The following DMD variants were observed in gnomAD, a reference collection of about 807,000 sequenced individuals.
The protein encoded by DMD is mutant dystrophin.
A neutral mutation model predicts 330.1 loss-of-function variants in DMD; 63 were observed. The observed-to-expected ratio is 0.19, with a 90% CI of 0.16 to 0.24. The LOEUF (loss-of-function observed/expected upper bound fraction) is 0.24, where lower values mean the gene tolerates loss of function less well. Ranked by LOEUF, DMD falls within the 10% of genes least tolerant of loss-of-function variation. The pLI is 1.00. For missense variants in DMD, 3,344 were observed against 2,684.1 expected (o/e 1.25, Z -5.43); for synonymous variants, 1,223 against 959.8 (o/e 1.27, Z -5.07).
chrX:32,952,403 AT>A (rs2091305279), intron 2 of DMD, among the ~76,000 whole-genome samples: 1 of 111,442 alleles, frequency 9.0e-6, no homozygotes, highest in Admixed American at 9.6e-5. Flanking sequence ...AAGTGCTGGG[AT>A]TACAGGCCTG....
rs776729767 is a variant in DMD, at chrX:31,437,449, G to A, written c.9084+7032C>T. Among the ~76,000 whole-genome samples the A allele has an allele frequency of 4.5e-5, 5 of 111,552 alleles. No homozygotes were observed. The South Asian group carries it at 1.9e-3, about 42-fold the overall frequency. On this transcript the variant is annotated intron_variant, in intron 60 of 78. Coordinates refer to ENST00000357033, the MANE Select transcript of DMD (RefSeq NM_004006.3). ...CTCACCCGATACTAAATTTCTGGGG[G>A]CGGATTGGTTTAACAAGCTTTGCAG... is the stretch of plus-strand genomic sequence containing the variant.
chrX:32,491,966 T>G (rs1473594160), intron 19 of DMD, among the ~76,000 whole-genome samples: 7 of 111,654 alleles, frequency 6.3e-5, no homozygotes, highest in Non-Finnish European at 1.1e-4. Flanking sequence ...GAAATTAGTT[T>G]AAATAGTATT....
At chrX:31,169,396 G>A in intron 74 of DMD, 47 bp downstream of exon 74, 1 of 994,908 alleles carries the variant, frequency 1.0e-6, no homozygotes, top group Non-Finnish European at 1.4e-6. Flanking sequence ...ATGTGTGCAA[G>A]TGTATGCACT....
intron 44 of DMD, among the ~76,000 whole-genome samples, chrX:31,972,478 T>C (rs953097219): frequency 9.0e-6 from 1 of 110,595 alleles, no homozygotes; most frequent in Non-Finnish European, 1.9e-5. Flanking sequence ...ATGTGACAAA[T>C]GAAGAAAAGG....
chrX:31,709,823 A>T (rs1334273207), intron 52 of DMD, among the ~76,000 whole-genome samples: 2 of 111,407 alleles, frequency 1.8e-5, no homozygotes, highest in African/African-American at 3.3e-5. Flanking sequence ...CTATGCACTT[A>T]TCTGTATCTA....
At chrX:32,577,289 TG>T (rs1464196970) in intron 13 of DMD, among the ~76,000 whole-genome samples, 1 of 112,121 alleles carries the variant, frequency 8.9e-6, no homozygotes, top group Non-Finnish European at 1.9e-5. Flanking sequence ...GCCAGTACCT[TG>T]GTCTTGAACT....
At chrX:32,967,078 G>A (rs2092188452) in intron 2 of DMD, among the ~76,000 whole-genome samples, 1 of 111,748 alleles carries the variant, frequency 8.9e-6, no homozygotes, top group Middle Eastern at 4.2e-3. Context: ...ACTCCCGTAG[G>A]TACTGAAAGG....
chrX:32,965,350 C>T (rs35463735), intron 2 of DMD, among the ~76,000 whole-genome samples: 40,615 of 108,523 alleles, frequency 0.37, 6,695 homozygotes, highest in African/African-American at 0.64. Context: ...AAAAATTATC[C>T]GGGTGTGGTG....
At chrX:32,775,969 C>A (rs989985295) in intron 7 of DMD, among the ~76,000 whole-genome samples, 6 of 111,812 alleles carry the variant, frequency 5.4e-5, no homozygotes, top group Non-Finnish European at 7.5e-5. Context: ...CGCATATAAC[C>A]GTATGTTTTC....
intron 5 of DMD, among the ~76,000 whole-genome samples, chrX:32,818,258 C>T (rs2077920883): frequency 9.0e-6 from 1 of 111,628 alleles, no homozygotes; most frequent in Non-Finnish European, 1.9e-5. Flanking sequence ...ATGTGCATAA[C>T]GTTAAAGGAC....
intron 1 of DMD, among the ~76,000 whole-genome samples, chrX:33,293,385 G>A (rs756727040): frequency 9.0e-6 from 1 of 111,397 alleles, no homozygotes; most frequent in Non-Finnish European, 1.9e-5. Context: ...GATCATCAGG[G>A]ACATTGGACA....
At chrX:32,853,909 C>CA (rs1213529049) in intron 2 of DMD, among the ~76,000 whole-genome samples, 5 of 110,179 alleles carry the variant, frequency 4.5e-5, no homozygotes, top group African/African-American at 1.6e-4. Flanking sequence ...CGATAGCAAC[C>CA]AAAAAAGAAC....
At chrX:33,076,174 A>C (rs113332133) in intron 1 of DMD, among the ~76,000 whole-genome samples, 1 of 111,016 alleles carries the variant, frequency 9.0e-6, no homozygotes, top group Non-Finnish European at 1.9e-5. Flanking sequence ...TTGACTCCCT[A>C]TGATTTCATC....
At chrX:33,056,892 T>C (rs1268104448) in intron 1 of DMD, among the ~76,000 whole-genome samples, 3 of 111,343 alleles carry the variant, frequency 2.7e-5, no homozygotes, top group Non-Finnish European at 5.6e-5. Flanking sequence ...CTCTGAACCA[T>C]GCCCTCTACT....
At chrX:32,579,623 G>T (rs1312743908) in intron 13 of DMD, among the ~76,000 whole-genome samples, 2 of 112,670 alleles carry the variant, frequency 1.8e-5, no homozygotes, top group African/African-American at 3.2e-5. Flanking sequence ...AGTTTGACTA[G>T]ATTTAACATT....
At chrX:32,373,775 T>C (rs1235146990) in intron 34 of DMD, among the ~76,000 whole-genome samples, 3 of 111,781 alleles carry the variant, frequency 2.7e-5, no homozygotes, top group Non-Finnish European at 5.7e-5. Context: ...TTAGGCATTC[T>C]TCTCTATTAG....
At chrX:33,250,109 AT>A (rs1427247614) in intron 1 of DMD, among the ~76,000 whole-genome samples, 2 of 96,063 alleles carry the variant, frequency 2.1e-5, no homozygotes, top group African/African-American at 9.1e-5. Context: ...ATATATATAT[AT>A]ATCAATGTAC....
At chrX:31,174,887 A>T (rs1176245261) in intron 71 of DMD, among the ~76,000 whole-genome samples, 5 of 111,761 alleles carry the variant, frequency 4.5e-5, no homozygotes, top group African/African-American at 1.6e-4. Flanking sequence ...TATGAAACCA[A>T]TGTCATCTAG....
chrX:31,324,581 T>G (rs1053847303), intron 61 of DMD, among the ~76,000 whole-genome samples: 2 of 111,360 alleles, frequency 1.8e-5, no homozygotes, highest in Non-Finnish European at 3.8e-5. Context: ...TTTAAGACAC[T>G]GGAGCTTTAA....
Sources: gnomAD v4.1 joint callset for allele counts (sites outside exome capture counted in the v4.1 genomes callset) on GRCh38, gnomAD v4.1.1 for gene constraint, MANE v1.5 for transcripts, NCBI Gene and HGNC (gene_info 2026-07-23, HGNC 2026-07-21) for gene names.